The following DCHS2 variants were observed in gnomAD, a reference collection of about 807,000 sequenced individuals.
DCHS2 encodes the protein protocadherin-23.
A neutral mutation model predicts 182.4 loss-of-function variants in DCHS2; 142 were observed. The ratio of observed to expected loss-of-function variants is 0.78; its 90% confidence interval spans 0.68 to 0.89. The LOEUF (loss-of-function observed/expected upper bound fraction) is 0.89, where lower values mean the gene tolerates loss of function less well. Among genes scored for constraint, DCHS2 ranks in the 40% least tolerant of loss-of-function variants. The pLI is 0.00. For missense variants in DCHS2, 4,319 were observed against 4,198.6 expected (o/e 1.03, Z -0.79); for synonymous variants, 1,740 against 1,663.3 (o/e 1.05, Z -1.12).
chr4:154,378,388 C>T (rs1300460712), intron 1 of DCHS2, among the ~76,000 whole-genome samples: 1 of 148,042 alleles, frequency 6.8e-6, no homozygotes, highest in Non-Finnish European at 1.5e-5. Context: ...CTACATAGCA[C>T]TTACAATAAA....
At chr4:154,258,263 G>A (rs1486802230) in intron 15 of DCHS2, among the ~76,000 whole-genome samples, 1 of 151,972 alleles carries the variant, frequency 6.6e-6, no homozygotes, top group Non-Finnish European at 1.5e-5. Flanking sequence ...CGGGGTGTAG[G>A]GGCACAGAGC....
chr4:154,318,357 C>T (rs554815027), intron 9 of DCHS2, among the ~76,000 whole-genome samples: 6 of 151,664 alleles, frequency 4.0e-5, no homozygotes, highest in Middle Eastern at 3.4e-3. Flanking sequence ...TATAAGCAAG[C>T]GATGAGAGGG....
At chr4:154,445,582 G>A (rs905976644) in intron 1 of DCHS2, among the ~76,000 whole-genome samples, 4 of 152,194 alleles carry the variant, frequency 2.6e-5, no homozygotes, top group African/African-American at 9.7e-5. Context: ...GCCAAGGTGA[G>A]GGGATCACTT....
chr4:154,484,257 G>C (rs528072782), intron 1 of DCHS2, among the ~76,000 whole-genome samples: 39 of 152,288 alleles, frequency 2.6e-4, no homozygotes, highest in African/African-American at 9.4e-4. Context: ...AGCTGAATAT[G>C]TGTTATTACA....
At chr4:154,276,905 T>A (rs569717667) in intron 13 of DCHS2, among the ~76,000 whole-genome samples, 1 of 152,220 alleles carries the variant, frequency 6.6e-6, no homozygotes, top group African/African-American at 2.4e-5. Flanking sequence ...GCTAGTGAAA[T>A]TCTTTTGTGC....
At chr4:154,354,823 G>C (rs1161453457) in intron 3 of DCHS2, 1 of 152,120 alleles carries the variant, frequency 6.6e-6, no homozygotes, top group Admixed American at 6.5e-5. Context: ...CTCTCCTGCT[G>C]TCATGAATGC....
At chr4:154,343,826 C>T (rs996296409) in intron 3 of DCHS2, among the ~76,000 whole-genome samples, 1 of 152,170 alleles carries the variant, frequency 6.6e-6, no homozygotes, top group Non-Finnish European at 1.5e-5. Flanking sequence ...AGAACTTTTC[C>T]TTTACATTCA....
At chr4:154,375,751 T>G (rs988721738) in intron 2 of DCHS2, among the ~76,000 whole-genome samples, 5 of 152,124 alleles carry the variant, frequency 3.3e-5, no homozygotes, top group Admixed American at 6.6e-5. Flanking sequence ...TACTCCTTTG[T>G]ATATACTCAA....
rs1731234871 is a variant in DCHS2 at position 154,232,326 on chromosome 4, C to G, written c.*2210G>C. ...TTTAACCCCATTCCCACTTGTAGTA[C>G]TTGTTTGGTGGCATTGTGGCACTGG... On this transcript the variant is annotated 3_prime_UTR_variant, in exon 20 of 20. Coordinates refer to ENST00000357232, the MANE Select transcript of DCHS2 (RefSeq NM_001358235.2). 1 of 152,110 alleles carries G rather than the reference C, an allele frequency of 6.6e-6. No homozygotes were observed. The highest frequency in any genetic ancestry group is 1.5e-5 in the Non-Finnish European group (1 of 68,012). The allele number at this position is 152,110 out of a possible 1,614,324, so 9.4% of individuals were successfully genotyped here. A position where few individuals can be genotyped will look rare whatever the true frequency, so the allele number is the denominator to read the frequency against.
Position 154,234,824 on chromosome 4 carries a change from A to G in DCHS2, c.9828T>C (p.Phe3276=). Residue 3276 remains phenylalanine (F), a synonymous_variant, in exon 20 of 20, where the codon TTT becomes TTC. Transcript: ENST00000357232. Reference sequence around the variant, plus strand: ...CTACTGCTGTTATCAAAGGGGGTGGAAAAACAAAAGATTTCTTCTCTTTTG... The same window carrying G: ...CTACTGCTGTTATCAAAGGGGGTGGGAAAACAAAAGATTTCTTCTCTTTTG... The part of the protein sequence containing the change: ...GIPKEKKSFV[F]PPPLITAVAQ... The G allele has an allele frequency of 6.2e-7, 1 of 1,614,090 alleles. No homozygotes were observed. The highest frequency in any genetic ancestry group is 8.5e-7 in the Non-Finnish European group (1 of 1,179,954).
At chr4:154,334,742 T>C (rs1380868893) in intron 4 of DCHS2, 126 bp downstream of exon 4, 5 of 728,240 alleles carry the variant, frequency 6.9e-6, no homozygotes, top group African/African-American at 1.8e-5. Flanking sequence ...CCACAGTTTG[T>C]GTTATCTCCC....
chr4:154,354,670 T>G (rs1729777539), intron 3 of DCHS2: 2 of 152,228 alleles, frequency 1.3e-5, no homozygotes, highest in South Asian at 4.1e-4. Flanking sequence ...ATCACACTGA[T>G]GCTAAATATC....
Position 154,327,939 on chromosome 4 carries a change from C to A in DCHS2, c.4018+154G>T, listed in dbSNP as rs146054291. ...AACTGAAAGTAGTTCTTGACAATAG[C>A]AAATGTATTTTGTTTGTAACTTGGT... is the stretch of plus-strand genomic sequence containing the variant. On this transcript the variant is annotated intron_variant, in intron 7 of 19. Coordinates refer to ENST00000357232, the MANE Select transcript of DCHS2 (RefSeq NM_001358235.2). Among the ~76,000 whole-genome samples, 125 of 152,256 alleles carry A rather than the reference C, an allele frequency of 8.2e-4. 1 individual carries two copies. Among genetic ancestry groups the A allele is most frequent in the African/African-American group, 2.7e-3 (114 of 41,570 alleles).
chr4:154,439,539 C>G (rs1280407653), intron 1 of DCHS2, among the ~76,000 whole-genome samples: 1 of 152,144 alleles, frequency 6.6e-6, no homozygotes, highest in Non-Finnish European at 1.5e-5. Flanking sequence ...CTTTTCCTAG[C>G]TCCTCTTTGA....
intron 16 of DCHS2, among the ~76,000 whole-genome samples, chr4:154,245,369 A>AT (rs1488771943): frequency 6.6e-6 from 1 of 152,092 alleles, no homozygotes; most frequent in Non-Finnish European, 1.5e-5. Context: ...AATTCAGAGC[A>AT]TTTTTTTCCT....
intron 1 of DCHS2, among the ~76,000 whole-genome samples, chr4:154,416,790 C>T (rs1732849859): frequency 6.6e-6 from 1 of 152,202 alleles, no homozygotes; most frequent in Non-Finnish European, 1.5e-5. Flanking sequence ...CTGGCGGCGC[C>T]AGGCAGGAAA....
At chr4:154,402,348 T>C (rs924107070) in intron 1 of DCHS2, among the ~76,000 whole-genome samples, 4 of 152,176 alleles carry the variant, frequency 2.6e-5, no homozygotes, top group African/African-American at 9.7e-5. Context: ...AATGTTTGGC[T>C]GTCCTAGATC....
chr4:154,318,660 C>T (rs1735944895), intron 9 of DCHS2, among the ~76,000 whole-genome samples: 2 of 151,626 alleles, frequency 1.3e-5, no homozygotes, highest in Admixed American at 1.3e-4. Flanking sequence ...AGGTGAGTAC[C>T]CTACATATTG....
rs1731530939 is a variant in DCHS2 at position 154,236,721 on chromosome 4, G to A, written c.7931C>T (p.Pro2644Leu). 1.2e-6 allele frequency: 2 copies of A among 1,613,896 alleles called. No individual in the cohort carries two copies. The highest frequency in any genetic ancestry group is 1.7e-6 in the Non-Finnish European group (2 of 1,179,928). The change falls in exon 20 of 20, where the codon CCA becomes CTA. Residue 2644 changes from proline to leucine, a missense_variant. Transcript: ENST00000357232. ...TGATATGACAGCTGTGGAACTCAATGGAGGGCAGCCACTGTCAGATGCCAG... is the reference window on the plus strand; with the variant it reads ...TGATATGACAGCTGTGGAACTCAATAGAGGGCAGCCACTGTCAGATGCCAG... ...VILASDSGCP[P>L]LSSTAVISIQ...
Sources: allele counts gnomAD v4.1 joint callset (sites outside exome capture counted in the v4.1 genomes callset), GRCh38; gene constraint gnomAD v4.1.1; transcripts MANE v1.5; gene names NCBI Gene and HGNC (gene_info 2026-07-23, HGNC 2026-07-21).